The following GPHN variants were observed in gnomAD, a reference collection of about 807,000 sequenced individuals.
GPHN encodes the protein gephyrin.
Under a neutral mutation model 95.5 loss-of-function variants are expected in GPHN, and 17 were observed. The observed-to-expected ratio is 0.18, with a 90% CI of 0.12 to 0.27. GPHN has a LOEUF of 0.27. GPHN is among the 10% of genes least tolerant of loss of function. The probability of loss-of-function intolerance (pLI) is 1.00; values close to 1 mark genes in which losing one functional copy is unlikely to be tolerated. For synonymous variants in GPHN, 320 were observed against 322.5 expected, an observed-to-expected ratio of 0.99 and a Z score of 0.08; for missense variants, 660 against 978.1, an observed-to-expected ratio of 0.67 and a Z score of 4.34.
At chr14:67,183,773 A>T (rs2083354264), downstream of GPHN, among the ~76,000 whole-genome samples, 1 of 151,242 alleles carries the variant, frequency 6.6e-6, no homozygotes, top group Non-Finnish European at 1.5e-5. Flanking sequence ...CATTTTGACC[A>T]GGCTGGTCTC....
chr14:67,014,339 C>T (rs906898153), intron 9 of GPHN, among the ~76,000 whole-genome samples: 4 of 152,030 alleles, frequency 2.6e-5, no homozygotes, highest in African/African-American at 9.7e-5. Flanking sequence ...GAAGTTATGA[C>T]TTATACAGTG....
chr14:67,304,342 C>A, the GPHN span, among the ~76,000 whole-genome samples: 1 of 152,176 alleles, frequency 6.6e-6, no homozygotes, highest in African/African-American at 2.4e-5. Flanking sequence ...AGAATGTCTA[C>A]ATGAATGTTC....
chr14:67,498,241 C>G, the GPHN span, among the ~76,000 whole-genome samples: 1 of 152,158 alleles, frequency 6.6e-6, no homozygotes, highest in Non-Finnish European at 1.5e-5. Context: ...CTCTCCCATA[C>G]CTGGTTTGCC....
At chr14:66,863,770 A>G (rs557516097) in intron 4 of GPHN, among the ~76,000 whole-genome samples, 36 of 152,214 alleles carry the variant, frequency 2.4e-4, no homozygotes, top group Non-Finnish European at 8.8e-5. Context: ...ATTTATATGC[A>G]GAAGAATGAA....
intron 4 of GPHN, among the ~76,000 whole-genome samples, chr14:66,844,521 G>A (rs2062236507): frequency 6.6e-6 from 1 of 152,016 alleles, no homozygotes; most frequent in South Asian, 2.1e-4. Flanking sequence ...ATGTCATTGT[G>A]CTCGAAGTGT....
At chr14:66,830,679 A>C (rs1197791035) in intron 4 of GPHN, among the ~76,000 whole-genome samples, 1 of 152,120 alleles carries the variant, frequency 6.6e-6, no homozygotes. Flanking sequence ...GACCTCTTTC[A>C]AGAGGGAAAA....
At chr14:66,555,141 G>C (rs573780329) in intron 1 of GPHN, among the ~76,000 whole-genome samples, 1 of 150,798 alleles carries the variant, frequency 6.6e-6, no homozygotes, top group African/African-American at 2.5e-5. Context: ...CAAAAGAAGC[G>C]TAAGTACTTA....
chr14:67,490,734 G>A, the GPHN span, among the ~76,000 whole-genome samples: 1 of 151,988 alleles, frequency 6.6e-6, no homozygotes, highest in South Asian at 2.1e-4. Flanking sequence ...ACCTAACACT[G>A]GAGCCAGAAA....
At chr14:66,903,737 A>T (rs542806231) in intron 5 of GPHN, among the ~76,000 whole-genome samples, 13 of 151,750 alleles carry the variant, frequency 8.6e-5, no homozygotes, top group Non-Finnish European at 1.5e-4. Flanking sequence ...TACTTTCTTC[A>T]TATGTGGTTT....
chr14:67,552,084 T>C, the GPHN span, among the ~76,000 whole-genome samples: 3 of 152,172 alleles, frequency 2.0e-5, no homozygotes, highest in Non-Finnish European at 2.9e-5. Flanking sequence ...AAATACCAGA[T>C]TGGTGCCAAG....
chr14:66,750,710 G>A (rs1703879347), intron 2 of GPHN, among the ~76,000 whole-genome samples: 1 of 151,918 alleles, frequency 6.6e-6, no homozygotes, highest in African/African-American at 2.4e-5. Flanking sequence ...TATCAATGCT[G>A]AAAATGTGAT....
At chr14:66,960,638 G>A (rs554901078) in intron 8 of GPHN, among the ~76,000 whole-genome samples, 2 of 152,066 alleles carry the variant, frequency 1.3e-5, no homozygotes, top group South Asian at 4.1e-4. Context: ...CCCAGTTTTT[G>A]CAGATGAGCT....
chr14:66,810,416 T>C (rs2060711872), intron 3 of GPHN, among the ~76,000 whole-genome samples: 1 of 151,726 alleles, frequency 6.6e-6, no homozygotes, highest in Admixed American at 6.6e-5. Flanking sequence ...TTACATAATA[T>C]ATATTATCCA....
At chr14:67,196,397 A>G in the GPHN span, among the ~76,000 whole-genome samples, 3 of 151,842 alleles carry the variant, frequency 2.0e-5, no homozygotes, top group African/African-American at 7.2e-5. Flanking sequence ...TTATATTTTC[A>G]GTAGAGACAG....
chr14:67,650,515 C>T, the GPHN span: 1 of 589,186 alleles, frequency 1.7e-6, no homozygotes, highest in Non-Finnish European at 3.0e-6. Flanking sequence ...TTCTTTTAAT[C>T]TACTATAGCA....
At chr14:66,627,805 ATTTG>A (rs1268731680) in intron 1 of GPHN, among the ~76,000 whole-genome samples, 1 of 152,014 alleles carries the variant, frequency 6.6e-6, no homozygotes, top group Admixed American at 6.6e-5. Context: ...AGAGCAAATT[ATTTG>A]TTCTCTCTTT....
chr14:66,778,320 G>T (rs887719976), intron 3 of GPHN, among the ~76,000 whole-genome samples: 1 of 152,050 alleles, frequency 6.6e-6, no homozygotes, highest in African/African-American at 2.4e-5. Context: ...CAGTGAAATA[G>T]TAACAGTCTT....
chr14:67,556,894 C>G, the GPHN span, among the ~76,000 whole-genome samples: 1 of 152,170 alleles, frequency 6.6e-6, no homozygotes, highest in South Asian at 2.1e-4. Flanking sequence ...GTAAATATCT[C>G]TACCACGGTG....
At chr14:66,518,627 A>G (rs2058352650) in intron 1 of GPHN, among the ~76,000 whole-genome samples, 1 of 152,182 alleles carries the variant, frequency 6.6e-6, no homozygotes, top group Non-Finnish European at 1.5e-5. Flanking sequence ...ATTATGGTAT[A>G]TATGCATAAT....
Sources: allele counts gnomAD v4.1 joint callset (sites outside exome capture counted in the v4.1 genomes callset), GRCh38; gene constraint gnomAD v4.1.1; transcripts MANE v1.5; gene names NCBI Gene and HGNC (gene_info 2026-07-23, HGNC 2026-07-21).